GNG12: variants seen among roughly 807,000 people sequenced by gnomAD.
The protein encoded by GNG12 is guanine nucleotide-binding protein G(I)/G(S)/G(O) subunit gamma-12.
For synonymous variants in GNG12, 28 were observed against 29.7 expected (o/e 0.94, Z 0.19); for missense variants, 69 against 83.8 (o/e 0.82, Z 0.69).
At chr1:67,765,892 G>A (rs1646634122) in intron 2 of GNG12, among the ~76,000 whole-genome samples, 1 of 152,060 alleles carries the variant, frequency 6.6e-6, no homozygotes, top group African/African-American at 2.4e-5. Flanking sequence ...CAACCCCAAG[G>A]AGTGAAAGGA....
chr1:67,826,561 C>T (rs940141354), intron 1 of GNG12, among the ~76,000 whole-genome samples: 1 of 152,180 alleles, frequency 6.6e-6, no homozygotes, highest in African/African-American at 2.4e-5. Context: ...GTCTAATGTG[C>T]AGGCCATGGT....
At chr1:67,810,034 C>G (rs2100807737) in intron 1 of GNG12, among the ~76,000 whole-genome samples, 1 of 152,214 alleles carries the variant, frequency 6.6e-6, no homozygotes, top group Middle Eastern at 3.4e-3. Flanking sequence ...TTTAGTAAGT[C>G]AGTGGGTAAA....
At chr1:67,738,916 T>G (rs998576406) in intron 2 of GNG12, among the ~76,000 whole-genome samples, 1 of 152,180 alleles carries the variant, frequency 6.6e-6, no homozygotes, top group African/African-American at 2.4e-5. Context: ...TGGTGGCTCA[T>G]GCCTGTAATC....
intron 2 of GNG12, among the ~76,000 whole-genome samples, chr1:67,723,162 G>C (rs1646365473): frequency 6.6e-6 from 1 of 152,200 alleles, no homozygotes; most frequent in Non-Finnish European, 1.5e-5. Flanking sequence ...ATGTAAGAAT[G>C]AATAAGACTC....
intron 1 of GNG12, among the ~76,000 whole-genome samples, chr1:67,809,583 A>G (rs953960029): frequency 2.0e-5 from 3 of 152,198 alleles, no homozygotes; most frequent in African/African-American, 7.2e-5. Flanking sequence ...AAAACTCAAG[A>G]ATAAGAAAAT....
intron 1 of GNG12, among the ~76,000 whole-genome samples, chr1:67,822,208 G>A (rs1229959388): frequency 6.6e-6 from 1 of 151,546 alleles, no homozygotes; most frequent in African/African-American, 2.4e-5. Context: ...CTCATAAGCT[G>A]TCATTAGTAT....
intron 2 of GNG12, among the ~76,000 whole-genome samples, chr1:67,752,148 T>C (rs1646542887): frequency 1.3e-5 from 2 of 152,220 alleles, no homozygotes; most frequent in African/African-American, 2.4e-5. Flanking sequence ...TAGCAGGCCT[T>C]TTCTTTGATC....
At chr1:67,739,108 G>T (rs1484615313) in intron 2 of GNG12, among the ~76,000 whole-genome samples, 1 of 152,206 alleles carries the variant, frequency 6.6e-6, no homozygotes, top group Non-Finnish European at 1.5e-5. Flanking sequence ...GAACCTAGGA[G>T]GCGGAGGTTG....
chr1:67,786,985 G>GTGTGTGTGTA (rs1407300795), intron 1 of GNG12, among the ~76,000 whole-genome samples: 3 of 119,042 alleles, frequency 2.5e-5, no homozygotes, highest in African/African-American at 9.7e-5. Context: ...GTGTGTGTGT[G>GTGTGTGTGTA]TATGTATATA....
chr1:67,733,800 C>T (rs187013660), intron 2 of GNG12, among the ~76,000 whole-genome samples: 67 of 152,294 alleles, frequency 4.4e-4, no homozygotes, highest in African/African-American at 1.6e-3. Context: ...ATGTTATCTG[C>T]CTGTTGCAGG....
intron 1 of GNG12, among the ~76,000 whole-genome samples, chr1:67,797,788 G>C (rs879602513): frequency 6.6e-6 from 1 of 152,094 alleles, no homozygotes; most frequent in Non-Finnish European, 1.5e-5. Flanking sequence ...ATATCATGGC[G>C]GGCACATAGC....
chr1:67,802,769 T>A (rs1358368207), intron 1 of GNG12, among the ~76,000 whole-genome samples: 1 of 152,128 alleles, frequency 6.6e-6, no homozygotes, highest in Non-Finnish European at 1.5e-5. Flanking sequence ...GGGCTCCCAC[T>A]GGACTTTACT....
rs1196633756 is a variant in GNG12, at chr1:67,701,513, A to ATCC, written c.*3937_*3938insGGA. The ATCC allele has an allele frequency of 2.6e-5, 4 of 152,640 alleles. No individual in the cohort carries two copies. Among genetic ancestry groups the ATCC allele is most frequent in the African/African-American group, 9.6e-5 (4 of 41,458 alleles). 9.5% of individuals were successfully genotyped at this position (152,640 alleles called of 1,614,324 possible). A position where few individuals can be genotyped will look rare whatever the true frequency, so the allele number is the denominator to read the frequency against. ...ATTTATTGAGCAAAACACAAGTAGG[A>ATCC]TGATACAATGAGGCACTGACGCAGT... On this transcript the variant is annotated 3_prime_UTR_variant, in exon 4 of 4. Coordinates refer to ENST00000370982, the MANE Select transcript of GNG12 (RefSeq NM_018841.6).
At chr1:67,807,903 A>G (rs965383911) in intron 1 of GNG12, among the ~76,000 whole-genome samples, 1 of 152,126 alleles carries the variant, frequency 6.6e-6, no homozygotes, top group African/African-American at 2.4e-5. Flanking sequence ...AATTATAACA[A>G]TTCTCTAGAA....
intron 1 of GNG12, among the ~76,000 whole-genome samples, chr1:67,788,542 C>A (rs866201271): frequency 1.3e-5 from 2 of 151,712 alleles, no homozygotes; most frequent in Non-Finnish European, 1.5e-5. Context: ...TGTCTTGCTA[C>A]GTTTTCCAGG....
intron 2 of GNG12, among the ~76,000 whole-genome samples, chr1:67,734,327 G>A (rs1172038902): frequency 2.0e-5 from 3 of 152,106 alleles, no homozygotes; most frequent in Non-Finnish European, 4.4e-5. Flanking sequence ...TCTGAAGACT[G>A]GGGAAACAGC....
intron 2 of GNG12, among the ~76,000 whole-genome samples, chr1:67,739,110 C>T (rs910359108): frequency 7.2e-5 from 11 of 152,050 alleles, no homozygotes; most frequent in Non-Finnish European, 1.6e-4. Flanking sequence ...ACCTAGGAGG[C>T]GGAGGTTGTG....
At chr1:67,744,055 G>A (rs188914564) in intron 2 of GNG12, among the ~76,000 whole-genome samples, 2 of 152,304 alleles carry the variant, frequency 1.3e-5, no homozygotes, top group East Asian at 3.9e-4. Flanking sequence ...GATGATGACA[G>A]TACGAACAAT....
At chr1:67,830,914 C>G (rs887251263) in intron 1 of GNG12, among the ~76,000 whole-genome samples, 1 of 152,202 alleles carries the variant, frequency 6.6e-6, no homozygotes, top group African/African-American at 2.4e-5. Context: ...ATAATTTTGA[C>G]CATGTACTGC....
Sources: allele counts gnomAD v4.1 joint callset (sites outside exome capture counted in the v4.1 genomes callset), GRCh38; gene constraint gnomAD v4.1.1; transcripts MANE v1.5; gene names NCBI Gene and HGNC (gene_info 2026-07-23, HGNC 2026-07-21).